The following CUBN variants were observed in gnomAD, a reference collection of about 807,000 sequenced individuals.
The protein encoded by CUBN is 460 kDa receptor.
CUBN carries 282 observed loss-of-function variants against 405.3 expected under a neutral mutation model. The ratio of observed to expected loss-of-function variants is 0.70; its 90% CI spans 0.63 to 0.77. The LOEUF is 0.77. Among genes scored for constraint, CUBN ranks in the 30% least tolerant of loss-of-function variants. CUBN has a pLI of 0.00. For missense variants in CUBN, 4,514 were observed against 4,475.2 expected, an observed-to-expected ratio of 1.01 and a Z score of -0.25; for synonymous variants, 1,684 against 1,617.0, an observed-to-expected ratio of 1.04 and a Z score of -0.99.
intron 58 of CUBN, among the ~76,000 whole-genome samples, chr10:16,873,583 A>ATGG (rs1840418574): frequency 1.3e-5 from 2 of 151,926 alleles, no homozygotes; most frequent in Non-Finnish European, 2.9e-5. Flanking sequence ...TGAGCAGGGC[A>ATGG]TGGTGGCGCC....
intron 15 of CUBN, among the ~76,000 whole-genome samples, chr10:17,085,976 T>C (rs966952317): frequency 1.3e-5 from 2 of 151,102 alleles, no homozygotes; most frequent in African/African-American, 4.9e-5. Context: ...TTTTTTTTTT[T>C]TTTTTTTTGA....
chr10:16,915,132 G>C lies in CUBN; in HGVS notation c.7251C>G (p.Asp2417Glu), dbSNP rs1347522839. Residue 2417 changes from aspartate to glutamate, a missense_variant, in exon 47 of 67, where the codon GAC becomes GAG. Transcript: ENST00000377833. The part of the protein sequence containing the change: ...LGRYCGNTIP[D>E]SIDTSSNTAV... ...CAGTATTGCTAGAAGTGTCTATGCT[G>C]TCAGGAATGGTGTTTCCACAGTATC... The C allele has an allele frequency of 9.3e-6, 15 of 1,613,880 alleles. No individual in the cohort carries two copies. The highest frequency in any genetic ancestry group is 1.3e-5 in the African/African-American group (1 of 74,906).
chr10:17,101,822 A>G (rs145440911), intron 13 of CUBN, among the ~76,000 whole-genome samples: 210 of 152,254 alleles, frequency 1.4e-3, no homozygotes, highest in South Asian at 5.8e-3. Context: ...ACACTTCTCA[A>G]TGGCACTAGG....
intron 31 of CUBN, among the ~76,000 whole-genome samples, chr10:16,968,250 G>A (rs191783694): frequency 1.2e-4 from 19 of 152,108 alleles, no homozygotes; most frequent in African/African-American, 4.1e-4. Context: ...TATCTGCCCT[G>A]TTCCACCCTG....
At chr10:16,914,138 G>C in intron 47 of CUBN, 146 bp from the exon 48 acceptor site, 1 of 869,716 alleles carries the variant, frequency 1.1e-6, no homozygotes, top group Admixed American at 2.1e-5. Context: ...GAGGATTTTA[G>C]TGAACATATA....
At chr10:16,941,755 T>C (rs1455239018) in intron 36 of CUBN, among the ~76,000 whole-genome samples, 3 of 152,068 alleles carry the variant, frequency 2.0e-5, no homozygotes, top group African/African-American at 7.2e-5. Context: ...GGCAGGAAGA[T>C]GGCTTAAGCC....
chr10:16,986,292 G>A (rs542264908), intron 29 of CUBN, among the ~76,000 whole-genome samples: 2 of 149,880 alleles, frequency 1.3e-5, no homozygotes, highest in East Asian at 4.0e-4. Flanking sequence ...CCCCACCTCG[G>A]GACACTCTGC....
At chr10:16,833,181 C>T (rs758596050) in intron 64 of CUBN, among the ~76,000 whole-genome samples, 1 of 152,148 alleles carries the variant, frequency 6.6e-6, no homozygotes, top group Non-Finnish European at 1.5e-5. Context: ...TCCAACCTAA[C>T]GGGATTATTC....
At chr10:17,032,751 A>G (rs1834812618) in intron 27 of CUBN, among the ~76,000 whole-genome samples, 1 of 152,232 alleles carries the variant, frequency 6.6e-6, no homozygotes, top group South Asian at 2.1e-4. Flanking sequence ...TGTTTTCCTC[A>G]GAATGTTCTA....
chr10:16,826,320 A>G (rs902674250), intron 66 of CUBN, among the ~76,000 whole-genome samples: 4 of 152,220 alleles, frequency 2.6e-5, no homozygotes, highest in Admixed American at 6.5e-5. Context: ...AAAAAGTTGA[A>G]TTGTATACTT....
At chr10:16,914,992 C>A (rs756290001) in intron 47 of CUBN, 40 bp downstream of exon 47, 49 of 1,559,128 alleles carry the variant, frequency 3.1e-5, no homozygotes, top group Non-Finnish European at 4.1e-5. Context: ...CTGTCCAATG[C>A]AGGTGCTCAA....
rs147563157 is a variant in CUBN, at chr10:16,836,338, C to G, written c.10077G>C (p.Ser3359=). 121 of 1,613,746 alleles carry G rather than the reference C, an allele frequency of 7.5e-5. 1 individual carries two copies. The highest frequency in any genetic ancestry group is 8.3e-5 in the Non-Finnish European group (98 of 1,179,796). Residue 3359 remains serine (S), a synonymous_variant, in exon 63 of 67, where the codon TCG becomes TCC. Transcript: ENST00000377833. Reference sequence around the variant, plus strand: ...TAGAAGAATAAAACACTGGCACAGCCGAAGCATTTCTGCCACAGAACTGAA... The same window carrying G: ...TAGAAGAATAAAACACTGGCACAGCGGAAGCATTTCTGCCACAGAACTGAA... ...SRFQFCGRNA[S]AVPVFYSSMS...
intron 59 of CUBN, among the ~76,000 whole-genome samples, chr10:16,858,157 G>T (rs1392019369): frequency 3.9e-5 from 6 of 152,068 alleles, no homozygotes; most frequent in Non-Finnish European, 8.8e-5. Flanking sequence ...AATAAAAGAA[G>T]GCCTAAATAA....
At chr10:17,095,553 GA>G (rs1836355166) in intron 14 of CUBN, among the ~76,000 whole-genome samples, 1 of 151,766 alleles carries the variant, frequency 6.6e-6, no homozygotes, top group Non-Finnish European at 1.5e-5. Flanking sequence ...ACCACAATAA[GA>G]TGCCACCTCA....
chr10:16,914,667 A>C (rs1342630400), intron 47 of CUBN, among the ~76,000 whole-genome samples: 1 of 152,144 alleles, frequency 6.6e-6, no homozygotes, highest in African/African-American at 2.4e-5. Context: ...ACAAAAAAAA[A>C]AAAAAGAGGA....
intron 55 of CUBN, among the ~76,000 whole-genome samples, chr10:16,889,443 C>T (rs189926094): frequency 3.9e-5 from 6 of 152,328 alleles, no homozygotes; most frequent in African/African-American, 7.2e-5. Flanking sequence ...CAGGCACACA[C>T]CATTGCTTCT....
intron 29 of CUBN, among the ~76,000 whole-genome samples, chr10:16,987,174 T>C (rs1833449829): frequency 1.3e-5 from 2 of 152,180 alleles, no homozygotes; most frequent in Admixed American, 6.5e-5. Context: ...TTCTCAGAGA[T>C]TAAAGTAAAA....
At chr10:17,060,800 C>T (rs755738904) in intron 22 of CUBN, among the ~76,000 whole-genome samples, 3 of 152,102 alleles carry the variant, frequency 2.0e-5, no homozygotes, top group Non-Finnish European at 2.9e-5. Flanking sequence ...CCTGTAATAA[C>T]AGCACTTTGG....
intron 48 of CUBN, among the ~76,000 whole-genome samples, chr10:16,912,883 T>A (rs188385570): frequency 4.6e-5 from 7 of 152,288 alleles, no homozygotes; most frequent in Admixed American, 1.3e-4. Context: ...AGCAACATGA[T>A]CCGATTGAGG....
Sources: allele counts gnomAD v4.1 joint callset (sites outside exome capture counted in the v4.1 genomes callset), GRCh38; gene constraint gnomAD v4.1.1; transcripts MANE v1.5; gene names NCBI Gene and HGNC (gene_info 2026-07-23, HGNC 2026-07-21).